GRID1: variants seen among roughly 807,000 people sequenced by gnomAD.
GRID1 encodes glutamate receptor ionotropic, delta-1.
GRID1 carries 28 observed loss-of-function variants against 98.0 expected under a neutral mutation model. The observed-to-expected ratio is 0.29, with a 90% CI of 0.21 to 0.39. GRID1 has a LOEUF of 0.39. GRID1 is among the 10% of genes least tolerant of loss of function. The pLI, the probability that GRID1 is intolerant of heterozygous loss-of-function variation, is 1.00. For missense variants in GRID1, 1,111 were observed against 1,340.5 expected, an observed-to-expected ratio of 0.83 and a Z score of 2.67; for synonymous variants, 553 against 538.5, an observed-to-expected ratio of 1.03 and a Z score of -0.37.
At chr10:86,121,662 T>TA (rs1195798598) in intron 4 of GRID1, among the ~76,000 whole-genome samples, 3 of 121,680 alleles carry the variant, frequency 2.5e-5, no homozygotes, top group African/African-American at 9.1e-5. Context: ...ATGACCACAA[T>TA]AATACCAGGG....
intron 2 of GRID1, among the ~76,000 whole-genome samples, chr10:86,318,398 G>A (rs149295651): frequency 0.011 from 1,750 of 152,362 alleles, 14 homozygotes; most frequent in Middle Eastern, 0.02. Flanking sequence ...GTCAAGCTCC[G>A]TGCTCTGCTG....
At chr10:86,032,968 TATAAATAA>T (rs758055757) in intron 4 of GRID1, among the ~76,000 whole-genome samples, 1 of 150,330 alleles carries the variant, frequency 6.7e-6, no homozygotes, top group South Asian at 2.1e-4. Flanking sequence ...AAAAAATAAA[TATAAATAA>T]ATAAATAAAT....
At chr10:85,973,695 A>G (rs1722753875) in intron 4 of GRID1, among the ~76,000 whole-genome samples, 1 of 152,196 alleles carries the variant, frequency 6.6e-6, no homozygotes, top group Admixed American at 6.5e-5. Flanking sequence ...ACTGAATGGA[A>G]ATTTTGATGA....
intron 2 of GRID1, among the ~76,000 whole-genome samples, chr10:86,319,670 C>T (rs570549331): frequency 1.6e-4 from 24 of 152,332 alleles, no homozygotes; most frequent in South Asian, 1.5e-3. Context: ...GTAGCAGCTG[C>T]CTCAGAGGCT....
chr10:86,337,959 C>T (rs1047578466), intron 2 of GRID1, among the ~76,000 whole-genome samples: 2 of 152,168 alleles, frequency 1.3e-5, no homozygotes, highest in African/African-American at 2.4e-5. Context: ...CCATCTGCCT[C>T]GGCCTCCCGA....
intron 4 of GRID1, among the ~76,000 whole-genome samples, chr10:85,976,761 C>A (rs1294371869): frequency 6.6e-6 from 1 of 152,216 alleles, no homozygotes; most frequent in Non-Finnish European, 1.5e-5. Context: ...TTACCTGTTT[C>A]CCTCTGTGTA....
In GRID1 at chr10:86,170,692, C is replaced by T. The variant is rs564445275; in HGVS notation, c.521-31668G>A. On this transcript the variant is annotated intron_variant, in intron 3 of 15. Coordinates refer to ENST00000327946, the MANE Select transcript of GRID1 (RefSeq NM_017551.3). The stretch of plus-strand genomic sequence containing the variant: ...CCACACACATACACACACACACGTG[C>T]GCATGCACTCCAAGTGCCAGAAGAC... Among the ~76,000 whole-genome samples, 6 of 152,312 alleles carry T rather than the reference C, an allele frequency of 3.9e-5. No individual in the cohort carries two copies. The East Asian group carries it at 7.7e-4, about 20-fold the overall frequency.
chr10:85,956,466 C>T lies in GRID1; in HGVS notation c.727-40227G>A, dbSNP rs571410074. Among the ~76,000 whole-genome samples the T allele has an allele frequency of 2.2e-4, 33 of 152,284 alleles. No homozygotes were observed. In the South Asian group the frequency reaches 3.3e-3, roughly 15 times the overall value. ...ACTTCAAAGAGGTGAGTTACATAAA[C>T]GTCATATCTTTAAAAAGTTTAAAAT... On this transcript the variant is annotated intron_variant, in intron 4 of 15. Coordinates refer to ENST00000327946, the MANE Select transcript of GRID1 (RefSeq NM_017551.3).
At chr10:85,933,795 G>T (rs1304212797) in intron 4 of GRID1, among the ~76,000 whole-genome samples, 1 of 152,196 alleles carries the variant, frequency 6.6e-6, no homozygotes, top group Non-Finnish European at 1.5e-5. Context: ...GAAAGAAGAG[G>T]TGCGGAACCA....
At chr10:85,724,708 A>G in intron 10 of GRID1, 32 bp from the exon 11 acceptor site, 2 of 1,566,822 alleles carry the variant, frequency 1.3e-6, no homozygotes, top group Non-Finnish European at 1.7e-6. Flanking sequence ...TTTAGACGGC[A>G]GTCCTCAGCT....
At chr10:85,920,479 C>T (rs992796586) in intron 4 of GRID1, among the ~76,000 whole-genome samples, 3 of 152,176 alleles carry the variant, frequency 2.0e-5, no homozygotes, top group Admixed American at 2.0e-4. Flanking sequence ...AGAGCCCACC[C>T]AACCCCAACA....
chr10:86,159,753 C>A (rs1564693007), intron 3 of GRID1, among the ~76,000 whole-genome samples: 1 of 152,218 alleles, frequency 6.6e-6, no homozygotes. Context: ...CTGGACTCCA[C>A]CCCTTACCAA....
At chr10:86,345,695 G>C (rs973283277) in intron 2 of GRID1, among the ~76,000 whole-genome samples, 1 of 152,164 alleles carries the variant, frequency 6.6e-6, no homozygotes, top group African/African-American at 2.4e-5. Flanking sequence ...GGCCTAGATG[G>C]AGGCACATGG....
At chr10:85,651,883 C>T (rs1843275911) in intron 12 of GRID1, among the ~76,000 whole-genome samples, 1 of 152,202 alleles carries the variant, frequency 6.6e-6, no homozygotes, top group Non-Finnish European at 1.5e-5. Context: ...CTGACAAAGC[C>T]TACCCTCTCC....
At chr10:86,218,004 G>A (rs985658878) in intron 2 of GRID1, among the ~76,000 whole-genome samples, 2 of 152,166 alleles carry the variant, frequency 1.3e-5, no homozygotes, top group African/African-American at 4.8e-5. Flanking sequence ...CAGACAGCAG[G>A]CTCCAGCATC....
chr10:85,755,117 G>T (rs1040454646), intron 8 of GRID1, among the ~76,000 whole-genome samples: 1 of 151,952 alleles, frequency 6.6e-6, no homozygotes, highest in South Asian at 2.1e-4. Context: ...TGTTTTGGCC[G>T]GCCCTTTTTC....
At chr10:86,190,351 T>C (rs1369896567) in intron 3 of GRID1, among the ~76,000 whole-genome samples, 1 of 152,182 alleles carries the variant, frequency 6.6e-6, no homozygotes, top group Non-Finnish European at 1.5e-5. Context: ...CACGAGCCCC[T>C]GTGCACAGGC....
chr10:85,647,589 G>A, intron 12 of GRID1, 192 bp from the exon 13 acceptor site: 2 of 583,086 alleles, frequency 3.4e-6, no homozygotes, highest in Non-Finnish European at 6.1e-6. Flanking sequence ...TTCAATTACA[G>A]GTGTGTTTTC....
At chr10:86,074,163 T>A (rs1394391738) in intron 4 of GRID1, among the ~76,000 whole-genome samples, 1 of 152,238 alleles carries the variant, frequency 6.6e-6, no homozygotes, top group Non-Finnish European at 1.5e-5. Flanking sequence ...ACTTGCATGT[T>A]ATGTGTAGCG....
Sources: allele counts gnomAD v4.1 joint callset (sites outside exome capture counted in the v4.1 genomes callset), GRCh38; gene constraint gnomAD v4.1.1; transcripts MANE v1.5; gene names NCBI Gene and HGNC (gene_info 2026-07-23, HGNC 2026-07-21).